The following EFHC2 variants were observed in gnomAD, a reference collection of about 807,000 sequenced individuals.
EFHC2 encodes EF-hand domain containing 2.
In EFHC2, 18 loss-of-function variants were observed where a neutral mutation model predicts 52.7. The ratio of observed to expected loss-of-function variants is 0.34; its 90% CI spans 0.24 to 0.51. The LOEUF is 0.51. EFHC2 is among the 20% of genes least tolerant of loss of function. The pLI, the probability that EFHC2 is intolerant of heterozygous loss-of-function variation, is 0.97. For missense variants in EFHC2, 513 were observed against 562.5 expected (o/e 0.91, Z 0.89); for synonymous variants, 203 against 204.1 (o/e 0.99, Z 0.04).
At chrX:44,170,171 A>C (rs747902642) in intron 13 of EFHC2, among the ~76,000 whole-genome samples, 1 of 111,873 alleles carries the variant, frequency 8.9e-6, no homozygotes, top group Non-Finnish European at 1.9e-5. Flanking sequence ...TTTTCCAGGT[A>C]GTAAACATGT....
chrX:44,162,774 A>G (rs1214301534), intron 14 of EFHC2, among the ~76,000 whole-genome samples: 1 of 109,727 alleles, frequency 9.1e-6, no homozygotes, highest in African/African-American at 3.3e-5. Flanking sequence ...GTTCCCCCCC[A>G]GTCTGTTTAG....
chrX:44,308,414 T>G (rs2037921682), intron 2 of EFHC2, among the ~76,000 whole-genome samples: 1 of 107,991 alleles, frequency 9.3e-6, no homozygotes, highest in Non-Finnish European at 1.9e-5. Flanking sequence ...ATTCTTGTAT[T>G]AAAAGAAAAA....
chrX:44,199,591 A>G lies in EFHC2; in HGVS notation c.1752-21027T>C, dbSNP rs1602147428. Among the ~76,000 whole-genome samples the G allele has an allele frequency of 4.5e-5, 5 of 112,200 alleles. No individual in the cohort carries two copies. In the Admixed American group the frequency reaches 4.7e-4, roughly 11 times the overall value. Reference sequence around the variant, plus strand: ...TAAAATTAGCAGGTGAGTTTGAGAAAAAGTAGGGTTTGCATAGTCTCAAAG... The same window carrying G: ...TAAAATTAGCAGGTGAGTTTGAGAAGAAGTAGGGTTTGCATAGTCTCAAAG... On this transcript the variant is annotated intron_variant, in intron 11 of 14. Transcript: ENST00000420999.
chrX:44,312,744 TCTC>T lies in EFHC2; in HGVS notation c.52_54del (p.Glu18del), dbSNP rs1213840274. The stretch of plus-strand genomic sequence containing the variant: ...CCCCAATGTTGGGATTTGTGAAACT[TCTC>T]CTTTCCCACCTGTGAACATAAGAGA... On this transcript the variant is annotated inframe_deletion, in exon 2 of 15. Transcript: ENST00000420999. 3.3e-6 allele frequency: 4 copies of T among 1,201,426 alleles called. No homozygotes were observed. The highest frequency in any genetic ancestry group is 4.5e-6 in the Non-Finnish European group (4 of 890,875).
intron 13 of EFHC2, among the ~76,000 whole-genome samples, chrX:44,172,497 G>A (rs749779331): frequency 1.8e-5 from 2 of 112,685 alleles, no homozygotes; most frequent in Admixed American, 1.9e-4. Flanking sequence ...AGCAGCTCTG[G>A]TGGACACCGA....
At chrX:44,225,581 T>C (rs1188610567) in intron 11 of EFHC2, 3 of 112,616 alleles carry the variant, frequency 2.7e-5, no homozygotes, top group African/African-American at 9.7e-5. Flanking sequence ...GCCAAGCCCA[T>C]AGGCCTATGC....
At chrX:44,297,426 A>T (rs778101794) in intron 2 of EFHC2, among the ~76,000 whole-genome samples, 5 of 110,038 alleles carry the variant, frequency 4.5e-5, no homozygotes, top group Non-Finnish European at 9.5e-5. Context: ...GGCCCTAGTA[A>T]TAATAATATC....
intron 11 of EFHC2, among the ~76,000 whole-genome samples, chrX:44,228,532 T>C (rs1376612203): frequency 8.9e-6 from 1 of 112,178 alleles, no homozygotes. Context: ...CATGTGTATG[T>C]GACTATGAAC....
Position 44,309,821 on chromosome X carries a change from T to C in EFHC2, c.231+2747A>G, listed in dbSNP as rs536691578. On this transcript the variant is annotated intron_variant, in intron 2 of 14. Transcript: ENST00000420999. ...AAGGCTACAACACGTTCACCATAGG[T>C]AGCCTCTTTGTCCCCAATCCAGCGC... is the stretch of plus-strand genomic sequence containing the variant. 3.5e-6 allele frequency: 4 copies of C among 1,135,830 alleles called. No individual in the cohort carries two copies. In the South Asian group the frequency reaches 5.4e-5, roughly 15 times the overall value. The allele number at this position is 1,135,830 out of a possible 1,213,427, so 93.6% of individuals were successfully genotyped here.
At chrX:44,241,176 C>G (rs1471528660) in intron 8 of EFHC2, among the ~76,000 whole-genome samples, 2 of 111,539 alleles carry the variant, frequency 1.8e-5, no homozygotes, top group African/African-American at 6.5e-5. Flanking sequence ...AGGACTGTAA[C>G]CCTTAGCCCA....
chrX:44,307,992 A>G (rs1216407032), intron 2 of EFHC2, among the ~76,000 whole-genome samples: 7 of 111,701 alleles, frequency 6.3e-5, no homozygotes, highest in Non-Finnish European at 1.3e-4. Flanking sequence ...AAACTGTATG[A>G]ATAACTCATG....
At chrX:44,237,447 T>TA (rs1181811492) in intron 8 of EFHC2, among the ~76,000 whole-genome samples, 3 of 111,951 alleles carry the variant, frequency 2.7e-5, no homozygotes, top group African/African-American at 9.7e-5. Flanking sequence ...ATGGTTGTTT[T>TA]AAAAATGTGT....
chrX:44,155,236 G>A (rs1228729845), intron 14 of EFHC2, among the ~76,000 whole-genome samples: 1 of 111,826 alleles, frequency 8.9e-6, no homozygotes, highest in African/African-American at 3.3e-5. Flanking sequence ...GCTGTCACTC[G>A]AGGCACTTAA....
At chrX:44,227,197 C>T (rs954973432) in intron 11 of EFHC2, among the ~76,000 whole-genome samples, 6 of 111,172 alleles carry the variant, frequency 5.4e-5, no homozygotes, top group African/African-American at 2.0e-4. Flanking sequence ...CACACACAAA[C>T]ACACACACAC....
intron 11 of EFHC2, among the ~76,000 whole-genome samples, chrX:44,200,025 T>C (rs1408791010): frequency 5.4e-5 from 6 of 111,411 alleles, no homozygotes; most frequent in Non-Finnish European, 1.1e-4. Flanking sequence ...AAAATGACAG[T>C]GAAAAATTGG....
intron 11 of EFHC2, among the ~76,000 whole-genome samples, chrX:44,223,033 C>T: frequency 8.9e-6 from 1 of 112,075 alleles, no homozygotes; most frequent in East Asian, 2.8e-4. Context: ...TCTACAAAGG[C>T]TATCTTTTAA....
At chrX:44,326,079 A>T (rs2038050086) in intron 1 of EFHC2, among the ~76,000 whole-genome samples, 1 of 108,348 alleles carries the variant, frequency 9.2e-6, no homozygotes, top group Non-Finnish European at 1.9e-5. Context: ...TTTTTTGTAG[A>T]GACGAGATTT....
Position 44,248,891 on chromosome X carries a change from G to A in EFHC2, c.884C>T (p.Pro295Leu), listed in dbSNP as rs2037421195. The A allele has an allele frequency of 8.3e-7, 1 of 1,203,073 alleles. No individual in the cohort carries two copies. Among genetic ancestry groups the A allele is most frequent in the East Asian group, 3.0e-5 (1 of 33,612 alleles). The change falls in exon 6 of 15, where the codon CCA becomes CTA. Residue 295 changes from proline to leucine, a missense_variant. Physicochemically the swap from Pro to Leu is moderately conservative, Grantham distance 98. Coordinates refer to ENST00000420999, the MANE Select transcript of EFHC2 (RefSeq NM_025184.4). ...PKNCPPRVYQ[P>L]GQITDRAVLN... ...AACTGCTCGATCTGTTATCTGGCCT[G>A]GTTGATAGACTCTAGGTGGGCAATT... is the stretch of plus-strand genomic sequence containing the variant.
At chrX:44,283,532 C>T (rs1295237412) in intron 2 of EFHC2, among the ~76,000 whole-genome samples, 1 of 88,584 alleles carries the variant, frequency 1.1e-5, no homozygotes, top group African/African-American at 4.5e-5. Flanking sequence ...ACGGAAGTAC[C>T]TTTTTTTTTT....
Sources: allele counts gnomAD v4.1 joint callset (sites outside exome capture counted in the v4.1 genomes callset), GRCh38; gene constraint gnomAD v4.1.1; transcripts MANE v1.5; gene names NCBI Gene and HGNC (gene_info 2026-07-23, HGNC 2026-07-21).